The following MCF2L variants were observed in gnomAD, a reference collection of about 807,000 sequenced individuals.
MCF2L encodes the protein MCF.2 cell line derived transforming sequence like.
Under a neutral mutation model 153.4 loss-of-function variants are expected in MCF2L, and 97 were observed. That is an observed-to-expected ratio of 0.63 (90% CI 0.54 to 0.75). The LOEUF (loss-of-function observed/expected upper bound fraction) is 0.75. MCF2L is among the 30% of genes least tolerant of loss of function. The pLI, the probability that MCF2L is intolerant of heterozygous loss-of-function variation, is 0.00. For missense variants in MCF2L, 1,347 were observed against 1,495.2 expected (o/e 0.90, Z 1.64); for synonymous variants, 659 against 632.2 (o/e 1.04, Z -0.64).
chr13:112,949,741 C>T (rs932630215), intron 2 of MCF2L, among the ~76,000 whole-genome samples: 5 of 151,136 alleles, frequency 3.3e-5, no homozygotes, highest in Admixed American at 6.6e-5. Flanking sequence ...AGGGGGGGAC[C>T]GTCTTACTTA....
In MCF2L at chr13:113,076,088, G is replaced by A. The variant is rs141497667; in HGVS notation, c.1431G>A (p.Ala477=). The change falls in exon 12 of 30, where the codon GCG becomes GCA. Residue 477 remains alanine (A), a synonymous_variant. Coordinates refer to ENST00000535094, the MANE Select transcript of MCF2L (RefSeq NM_001112732.3). ...TCGAGAAGTTTTTGGAGACCGGTGC[G>A]GAAAATAAGATCCAGGAGCTCAACG... ...QEIEKFLETG[A]ENKIQELNAI... The A allele has an allele frequency of 8.1e-5, 131 of 1,613,996 alleles. No individual in the cohort carries two copies. The highest frequency in any genetic ancestry group is 7.9e-4 in the African/African-American group (59 of 75,034).
At chr13:113,080,447 C>T (rs140466798) in intron 15 of MCF2L, among the ~76,000 whole-genome samples, 12 of 152,306 alleles carry the variant, frequency 7.9e-5, no homozygotes, top group Admixed American at 3.3e-4. Context: ...TCCCCTGTGC[C>T]GAGTCCGGGG....
rs1272215711 is a variant in MCF2L at position 113,070,146 on chromosome 13, C to T, written c.969C>T (p.Leu323=). ...AGAAACTGGAGCAGTGTCTGCAGCT[C>T]CGGCACTTTGAGCAGGGCTTCCGGG... is the stretch of plus-strand genomic sequence containing the variant. ...HQQKLEQCLQ[L]RHFEQGFREV... The change falls in exon 9 of 30, where the codon CTC becomes CTT. Residue 323 remains leucine, a synonymous_variant. Coordinates refer to ENST00000535094, the MANE Select transcript of MCF2L (RefSeq NM_001112732.3). The surrounding 1 kb of genome is among the most constrained non-coding windows in gnomAD (Gnocchi z 5.6). 7 of 1,603,416 alleles carry T rather than the reference C, an allele frequency of 4.4e-6. No individual in the cohort carries two copies. Among genetic ancestry groups the T allele is most frequent in the Non-Finnish European group, 6.0e-6 (7 of 1,176,410 alleles).
intron 16 of MCF2L, 111 bp from the exon 17 acceptor site, chr13:113,082,316 A>T: frequency 1.5e-6 from 1 of 680,240 alleles, no homozygotes; most frequent in Non-Finnish European, 2.7e-6. Flanking sequence ...TCACCCGAGA[A>T]TAAAGATGAA....
chr13:113,067,384 G>A (rs1403522079), intron 8 of MCF2L, among the ~76,000 whole-genome samples: 1 of 62,366 alleles, frequency 1.6e-5, no homozygotes, highest in Non-Finnish European at 3.3e-5. Flanking sequence ...CCTGGGTGGC[G>A]CACAGCTGGA....
At chr13:112,987,337 G>A (rs560226844) in intron 1 of MCF2L, among the ~76,000 whole-genome samples, 5 of 35,686 alleles carry the variant, frequency 1.4e-4, no homozygotes, top group South Asian at 9.1e-4. Flanking sequence ...CCCAGGGCTC[G>A]TTGTCTGCCC....
intron 17 of MCF2L, among the ~76,000 whole-genome samples, chr13:113,083,294 G>A (rs956495862): frequency 1.3e-5 from 2 of 152,146 alleles, no homozygotes; most frequent in African/African-American, 4.8e-5. Flanking sequence ...CCAGTGCTTG[G>A]GATGTTGTTC....
chr13:112,975,801 C>T (rs755559059), intron 1 of MCF2L, among the ~76,000 whole-genome samples: 5 of 152,324 alleles, frequency 3.3e-5, no homozygotes, highest in African/African-American at 4.8e-5. Context: ...GACCTCGTTG[C>T]GGTCGCACGG....
chr13:113,057,135 GTGTTTGGGTGCTGAGTGGGTGCTGAA>G (rs1430426473), intron 4 of MCF2L, among the ~76,000 whole-genome samples: 7 of 147,538 alleles, frequency 4.7e-5, no homozygotes, highest in African/African-American at 1.8e-4. Flanking sequence ...TGGGTGCTGT[GTGTTTGGGTGCTGAGTGGGTGCTGAA>G]TGTTTGGGTG....
In MCF2L at chr13:112,983,178, G is replaced by T. The variant is rs950150593; in HGVS notation, c.79+13720G>T. Among the ~76,000 whole-genome samples the T allele has an allele frequency of 2.0e-5, 3 of 152,046 alleles. No individual in the cohort carries two copies. Among genetic ancestry groups the T allele is most frequent in the African/African-American group, 7.2e-5 (3 of 41,394 alleles). On this transcript the variant is annotated intron_variant, in intron 1 of 29. Coordinates refer to ENST00000535094, the MANE Select transcript of MCF2L (RefSeq NM_001112732.3). This position sits in a 1 kb window ranked among gnomAD's most constrained non-coding sequence, Gnocchi z 4.0. ...CCTCAGGGTTTGTTGGAGGTGAGGG[G>T]GTAGCAGAGCCCCTCACACAGGTCT...
chr13:112,926,522 T>C (rs34841537), intron 2 of MCF2L, among the ~76,000 whole-genome samples: 17 of 104,536 alleles, frequency 1.6e-4, no homozygotes, highest in South Asian at 3.4e-4. Flanking sequence ...CGGAGTACTG[T>C]ACGGCCTGGT....
chr13:112,933,971 T>C (rs2140634788), intron 2 of MCF2L, among the ~76,000 whole-genome samples: 1 of 152,376 alleles, frequency 6.6e-6, no homozygotes, highest in African/African-American at 2.4e-5. Flanking sequence ...CTCTGCCCAC[T>C]AGTAAATAGA....
intron 2 of MCF2L, chr13:112,909,453 G>C (rs1233352675): frequency 1.6e-6 from 1 of 636,132 alleles, no homozygotes; most frequent in Non-Finnish European, 2.8e-6. Flanking sequence ...CCAGCGTCCT[G>C]TGCAAACGTC....
intron 11 of MCF2L, 24 bp downstream of exon 11, chr13:113,075,213 C>T (rs1374643182): frequency 6.4e-7 from 1 of 1,561,514 alleles, no homozygotes; most frequent in South Asian, 1.2e-5. Flanking sequence ...GACCCCACCC[C>T]ACTCCCCCCC....
chr13:113,059,188 T>C (rs1304086343), intron 4 of MCF2L, among the ~76,000 whole-genome samples: 2 of 152,224 alleles, frequency 1.3e-5, no homozygotes, highest in Non-Finnish European at 2.9e-5. Flanking sequence ...TGAGATCATG[T>C]TGTCAGCAGT....
intron 2 of MCF2L, among the ~76,000 whole-genome samples, chr13:113,017,821 G>A (rs913339286): frequency 3.3e-5 from 5 of 152,226 alleles, no homozygotes; most frequent in African/African-American, 9.6e-5. Flanking sequence ...AGCCTGTTCC[G>A]TGGACTTTTG....
chr13:112,900,966 C>G (rs2081114369), intron 1 of MCF2L, among the ~76,000 whole-genome samples: 1 of 152,058 alleles, frequency 6.6e-6, no homozygotes, highest in Admixed American at 6.5e-5. Context: ...GATGTCCCAG[C>G]AGGGGCCTCT....
At chr13:113,048,437 C>CTTTTTTT (rs35857164) in intron 4 of MCF2L, among the ~76,000 whole-genome samples, 8 of 104,180 alleles carry the variant, frequency 7.7e-5, no homozygotes, top group South Asian at 3.5e-4. Context: ...AATTTACGGT[C>CTTTTTTT]TTTTTTTTTT....
chr13:112,968,150 G>GGC (rs1566668004), upstream of MCF2L, among the ~76,000 whole-genome samples: 2 of 144,666 alleles, frequency 1.4e-5, no homozygotes, highest in South Asian at 2.4e-4. Context: ...GGTGGGGGGG[G>GGC]GGGTCTTGCT....
Sources: gnomAD v4.1 joint callset for allele counts (sites outside exome capture counted in the v4.1 genomes callset) on GRCh38, gnomAD v4.1.1 for gene constraint, Gnocchi (gnomAD v3.1) non-coding constraint, MANE v1.5 for transcripts, NCBI Gene and HGNC (gene_info 2026-07-23, HGNC 2026-07-21) for gene names.